MVB12B: variants seen among roughly 807,000 people sequenced by gnomAD.
The protein encoded by MVB12B is ESCRT-I complex subunit MVB12B.
MVB12B carries 16 observed loss-of-function variants against 41.6 expected under a neutral mutation model. That is an observed-to-expected ratio of 0.38 (90% CI 0.26 to 0.58). MVB12B has a LOEUF of 0.58. Ranked by LOEUF, MVB12B falls within the 20% of genes least tolerant of loss-of-function variation. MVB12B has a pLI of 0.62. For missense variants in MVB12B, 274 were observed against 380.2 expected, an observed-to-expected ratio of 0.72 and a Z score of 2.32; for synonymous variants, 133 against 139.7, an observed-to-expected ratio of 0.95 and a Z score of 0.34.
intron 7 of MVB12B, among the ~76,000 whole-genome samples, chr9:126,455,869 C>T (rs1204915201): frequency 1.4e-5 from 2 of 145,100 alleles, no homozygotes; most frequent in East Asian, 2.0e-4. Context: ...TTTGATAGGT[C>T]GTTTTCTTTC....
At chr9:126,482,207 C>G (rs996026988) in intron 8 of MVB12B, among the ~76,000 whole-genome samples, 2 of 152,262 alleles carry the variant, frequency 1.3e-5, no homozygotes, top group African/African-American at 4.8e-5. Flanking sequence ...CCCAGCTGCG[C>G]AGGCTTGCCC....
At chr9:126,360,263 G>A (rs559684750) in intron 2 of MVB12B, among the ~76,000 whole-genome samples, 88 of 152,234 alleles carry the variant, frequency 5.8e-4, no homozygotes, top group African/African-American at 1.8e-3. Context: ...AATATATTCC[G>A]TGTGGTCAGA....
intron 7 of MVB12B, among the ~76,000 whole-genome samples, chr9:126,438,202 A>C (rs773956353): frequency 6.6e-6 from 1 of 152,218 alleles, no homozygotes; most frequent in South Asian, 2.1e-4. Context: ...CAGATTCTAC[A>C]TGCTAAGGGA....
intron 7 of MVB12B, among the ~76,000 whole-genome samples, chr9:126,469,307 C>T (rs1375922389): frequency 6.6e-6 from 1 of 152,224 alleles, no homozygotes; most frequent in Non-Finnish European, 1.5e-5. Context: ...TGAGAAGGGT[C>T]CAGGGATCAG....
intron 7 of MVB12B, among the ~76,000 whole-genome samples, chr9:126,455,127 G>A (rs532537967): frequency 1.3e-5 from 2 of 152,214 alleles, no homozygotes; most frequent in South Asian, 2.1e-4. Context: ...ACAGCTCCCA[G>A]TAAGACCCTG....
chr9:126,483,102 G>A (rs1000119411), intron 8 of MVB12B, among the ~76,000 whole-genome samples: 1 of 152,228 alleles, frequency 6.6e-6, no homozygotes, highest in Admixed American at 6.5e-5. Flanking sequence ...GGGCCCTGGG[G>A]TTCTGTCGAA....
At chr9:126,422,080 C>G (rs1832038320) in intron 7 of MVB12B, 132 bp downstream of exon 7, 6 of 674,294 alleles carry the variant, frequency 8.9e-6, no homozygotes, top group African/African-American at 1.8e-5. Context: ...GGGACCTGTT[C>G]CCTGCAGGGA....
At chr9:126,343,016 A>G (rs1363369103) in intron 2 of MVB12B, among the ~76,000 whole-genome samples, 2 of 152,204 alleles carry the variant, frequency 1.3e-5, no homozygotes, top group African/African-American at 2.4e-5. Flanking sequence ...GTTAGGCACC[A>G]GATGGACTGG....
In MVB12B at chr9:126,423,609, A is replaced by G. The variant is rs539220201; in HGVS notation, c.757+1661A>G. 4.6e-5 allele frequency among the ~76,000 whole-genome samples: 7 copies of G among 152,356 alleles called. No homozygotes were observed. In the East Asian group the frequency reaches 1.3e-3, roughly 29 times the overall value. The stretch of plus-strand genomic sequence containing the variant: ...GCAGCAGGCAATTTCAGGCCTCCTC[A>G]GTGGCTGCAAGCACCAAATTGCTCT... On this transcript the variant is annotated intron_variant, in intron 7 of 9. Transcript: ENST00000361171.
intron 7 of MVB12B, among the ~76,000 whole-genome samples, chr9:126,454,826 A>T (rs59947127): frequency 1.3e-3 from 190 of 151,768 alleles, no homozygotes; most frequent in African/African-American, 4.4e-3. Context: ...ATGCTTCCTT[A>T]ATCAATGTTC....
intron 7 of MVB12B, among the ~76,000 whole-genome samples, chr9:126,433,219 A>C (rs538926693): frequency 1.3e-5 from 2 of 152,094 alleles, no homozygotes; most frequent in African/African-American, 4.8e-5. Flanking sequence ...AGTGCTATTG[A>C]TGTATTGCTG....
intron 1 of MVB12B, among the ~76,000 whole-genome samples, chr9:126,328,711 G>A (rs1320682146): frequency 6.6e-6 from 1 of 152,116 alleles, no homozygotes; most frequent in Non-Finnish European, 1.5e-5. Context: ...CATTATGAGA[G>A]GTTTGTTAAC....
intron 6 of MVB12B, among the ~76,000 whole-genome samples, chr9:126,411,564 G>C (rs1223730785): frequency 6.6e-6 from 1 of 152,206 alleles, no homozygotes; most frequent in African/African-American, 2.4e-5. Flanking sequence ...ATAAGATAGT[G>C]AATATAACTG....
chr9:126,390,440 G>A (rs926945450), intron 4 of MVB12B, among the ~76,000 whole-genome samples: 3 of 152,228 alleles, frequency 2.0e-5, no homozygotes, highest in African/African-American at 7.2e-5. Context: ...TGTATTAAAT[G>A]GCCGCAGTTG....
chr9:126,433,770 C>T (rs1194191116), intron 7 of MVB12B, among the ~76,000 whole-genome samples: 1 of 152,136 alleles, frequency 6.6e-6, no homozygotes, highest in Non-Finnish European at 1.5e-5. Flanking sequence ...ATAACCCTCA[C>T]CTGTGACCCA....
At chr9:126,413,849 T>TGCGC (rs1554776186) in intron 6 of MVB12B, among the ~76,000 whole-genome samples, 7 of 148,516 alleles carry the variant, frequency 4.7e-5, no homozygotes, top group African/African-American at 1.7e-4. Flanking sequence ...TGTGTGTGTG[T>TGCGC]GTGTATAAGG....
chr9:126,463,399 A>C (rs1833132754), intron 7 of MVB12B, among the ~76,000 whole-genome samples: 1 of 152,216 alleles, frequency 6.6e-6, no homozygotes, highest in African/African-American at 2.4e-5. Flanking sequence ...TTGCTATAAA[A>C]TGAGAGAAAT....
rs2119248209 is a variant in MVB12B, at chr9:126,503,208, C to T, written c.905C>T (p.Ala302Val). Reference sequence around the variant, plus strand: ...TACAGCTTCCGCACAGAGCAGAGCGCAGCCGCCAGGCTCCCGCCCAGCCCC... The same window carrying T: ...TACAGCTTCCGCACAGAGCAGAGCGTAGCCGCCAGGCTCCCGCCCAGCCCC... ...YEYSFRTEQS[A>V]AARLPPSPTR... The change falls in exon 10 of 10, where the codon GCA becomes GTA. Residue 302 changes from alanine to valine, a missense_variant. Coordinates refer to ENST00000361171, the MANE Select transcript of MVB12B (RefSeq NM_033446.3). 2 of 1,550,812 alleles carry T rather than the reference C, an allele frequency of 1.3e-6. No homozygotes were observed. The highest frequency in any genetic ancestry group is 1.7e-6 in the Non-Finnish European group (2 of 1,147,090).
At chr9:126,450,434 T>C (rs574489089) in intron 7 of MVB12B, among the ~76,000 whole-genome samples, 1 of 152,282 alleles carries the variant, frequency 6.6e-6, no homozygotes, top group African/African-American at 2.4e-5. Context: ...CTTGGAGACA[T>C]TGTCAGCCTG....
Sources: gnomAD v4.1 joint callset for allele counts (sites outside exome capture counted in the v4.1 genomes callset) on GRCh38, gnomAD v4.1.1 for gene constraint, MANE v1.5 for transcripts, NCBI Gene and HGNC (gene_info 2026-07-23, HGNC 2026-07-21) for gene names.